Variants in ZNF280D observed in about 807,000 individuals in gnomAD.
ZNF280D encodes the protein suppressor of hairy wing homolog 4.
ZNF280D carries 39 observed loss-of-function variants against 94.7 expected under a neutral mutation model. That is an observed-to-expected ratio of 0.41 (90% confidence interval 0.32 to 0.54). ZNF280D has a LOEUF of 0.54. Among genes scored for constraint, ZNF280D ranks in the 20% least tolerant of loss-of-function variants. The probability of loss-of-function intolerance (pLI) is 0.22; values close to 1 mark genes in which losing one functional copy is unlikely to be tolerated. For missense variants in ZNF280D, 1,090 were observed against 1,149.3 expected (o/e 0.95, Z 0.75); for synonymous variants, 398 against 377.6 (o/e 1.05, Z -0.63).
chr15:56,676,616 TCA>T, intron 13 of ZNF280D, 52 bp downstream of exon 13: 1 of 1,466,668 alleles, frequency 6.8e-7, no homozygotes, highest in Non-Finnish European at 9.2e-7. Flanking sequence ...CAAGTCATAA[TCA>T]GTTTTTTCAC....
chr15:56,696,887 T>C (rs1341033345), intron 6 of ZNF280D, among the ~76,000 whole-genome samples: 1 of 152,214 alleles, frequency 6.6e-6, no homozygotes, highest in Non-Finnish European at 1.5e-5. Flanking sequence ...CTGAGGTGCT[T>C]TGATTTAAAA....
In ZNF280D at chr15:56,666,920, T is replaced by C. The variant is rs761676809; in HGVS notation, c.1612A>G (p.Ser538Gly). The C allele has an allele frequency of 8.1e-6, 13 of 1,613,326 alleles. No individual in the cohort carries two copies. The highest frequency in any genetic ancestry group is 1.1e-5 in the South Asian group (1 of 91,060). The change falls in exon 15 of 22, where the codon AGT becomes GGT. Residue 538 changes from serine (S) to glycine (G), a missense_variant. By Grantham distance (56) the Ser-to-Gly change is moderately conservative. Around this residue, in one of 3 missense-constraint regions of ZNF280D, gnomAD observed 577 missense variants for 568.8 expected, o/e 1.01. Coordinates refer to ENST00000267807, the MANE Select transcript of ZNF280D (RefSeq NM_017661.4). ...GASPTPSISA[S>G]ASTLQLSPPR... is the part of the protein sequence containing the mutation. ...GGTGAGAGCTGAAGGGTAGAAGCAC[T>C]TGCACTAATGGAAGGTGTAGGTGAA...
At chr15:56,707,894 C>T (rs978552396) in intron 1 of ZNF280D, among the ~76,000 whole-genome samples, 8 of 151,316 alleles carry the variant, frequency 5.3e-5, no homozygotes, top group African/African-American at 1.5e-4. Context: ...AGTTTACAAT[C>T]TAGTATGTCA....
intron 1 of ZNF280D, among the ~76,000 whole-genome samples, chr15:56,712,816 C>T: frequency 6.7e-6 from 1 of 148,328 alleles, no homozygotes; most frequent in Non-Finnish European, 1.5e-5. Context: ...TCTCAGCTCA[C>T]TGCAACCTCC....
At chr15:56,696,657 C>T (rs1027913646) in intron 6 of ZNF280D, among the ~76,000 whole-genome samples, 5 of 152,260 alleles carry the variant, frequency 3.3e-5, no homozygotes, top group African/African-American at 1.2e-4. Flanking sequence ...AAATAAAAAA[C>T]TACTATAGTT....
intron 7 of ZNF280D, among the ~76,000 whole-genome samples, chr15:56,692,527 T>C (rs1423587842): frequency 6.6e-6 from 1 of 152,094 alleles, no homozygotes; most frequent in East Asian, 1.9e-4. Context: ...TGTTACAGTA[T>C]ACAATCAAAG....
At chr15:56,643,393 T>C (rs556669124) in intron 19 of ZNF280D, among the ~76,000 whole-genome samples, 7 of 151,762 alleles carry the variant, frequency 4.6e-5, no homozygotes, top group Admixed American at 2.0e-4. Flanking sequence ...GTATTTACGA[T>C]TACAGGACTT....
At chr15:56,703,938 A>T (rs561522582) in intron 4 of ZNF280D, among the ~76,000 whole-genome samples, 183 bp downstream of exon 4, 2 of 152,166 alleles carry the variant, frequency 1.3e-5, no homozygotes, top group South Asian at 4.1e-4. Context: ...TCACCAGCTA[A>T]TCTCAGTCCA....
chr15:56,687,830 A>C (rs1295450824), intron 9 of ZNF280D, among the ~76,000 whole-genome samples: 1 of 152,220 alleles, frequency 6.6e-6, no homozygotes, highest in Admixed American at 6.5e-5. Context: ...GGACAGACCA[A>C]ATATGGCTCT....
In ZNF280D at chr15:56,631,541, G is replaced by C. The variant is rs945907645; in HGVS notation, c.2897C>G (p.Thr966Arg). ...DIPGGNNPST[T>R]EATVDLEDEK... is the part of the protein sequence containing the mutation. ...GTCTTCCAGGTCTACTGTTGCCTCT[G>C]TTGTGCTAGGGTTATTTCCTCCAGG... Residue 966 changes from threonine to arginine, a missense_variant, in exon 22 of 22, where the codon ACA (threonine) becomes AGA (arginine). Coordinates refer to ENST00000267807, the MANE Select transcript of ZNF280D (RefSeq NM_017661.4). 1 of 1,613,980 alleles carries C rather than the reference G, an allele frequency of 6.2e-7. No homozygotes were observed. Among genetic ancestry groups the C allele is most frequent in the Non-Finnish European group, 8.5e-7 (1 of 1,179,904 alleles).
chr15:56,676,258 C>A (rs1464045893), intron 13 of ZNF280D, among the ~76,000 whole-genome samples: 1 of 151,980 alleles, frequency 6.6e-6, no homozygotes, highest in Non-Finnish European at 1.5e-5. Context: ...GTTTGAAGAG[C>A]AAAACGAAAA....
chr15:56,723,589 C>T (rs777982210), intron 1 of ZNF280D, among the ~76,000 whole-genome samples: 3 of 152,092 alleles, frequency 2.0e-5, no homozygotes, highest in Non-Finnish European at 4.4e-5. Flanking sequence ...TTCTACTAAA[C>T]TGCCATCCTT....
chr15:56,689,652 C>G (rs1249626559), intron 7 of ZNF280D, among the ~76,000 whole-genome samples, 182 bp from the exon 8 acceptor site: 2 of 151,740 alleles, frequency 1.3e-5, no homozygotes, highest in Non-Finnish European at 2.9e-5. Context: ...ATATATTTAT[C>G]ATGGACTACA....
intron 19 of ZNF280D, among the ~76,000 whole-genome samples, chr15:56,649,818 A>G (rs1277163449): frequency 6.6e-6 from 1 of 152,086 alleles, no homozygotes; most frequent in Non-Finnish European, 1.5e-5. Context: ...TCTTAACAGA[A>G]ATAATATTTT....
chr15:56,654,769 C>T (rs1296873866), intron 17 of ZNF280D: 5 of 513,830 alleles, frequency 9.7e-6, no homozygotes, highest in Admixed American at 6.8e-5. Flanking sequence ...GTCAGAAGAC[C>T]TAGAGTCAGT....
chr15:56,693,393 T>C (rs1453496999), intron 6 of ZNF280D, among the ~76,000 whole-genome samples, 178 bp from the exon 7 acceptor site: 3 of 151,842 alleles, frequency 2.0e-5, no homozygotes, highest in Non-Finnish European at 4.4e-5. Context: ...CAATTATTAA[T>C]AAGTTAAAAA....
At chr15:56,709,767 C>A (rs552595414) in intron 1 of ZNF280D, among the ~76,000 whole-genome samples, 6 of 152,152 alleles carry the variant, frequency 3.9e-5, no homozygotes, top group African/African-American at 1.2e-4. Context: ...GACAAAAAAA[C>A]AAACACTACA....
intron 1 of ZNF280D, among the ~76,000 whole-genome samples, chr15:56,708,686 C>G (rs1425626042): frequency 6.6e-6 from 1 of 151,998 alleles, no homozygotes; most frequent in Non-Finnish European, 1.5e-5. Context: ...CAGAACAGAG[C>G]CCTCAGAAAT....
At chr15:56,726,435 T>G (rs1227903267) in intron 1 of ZNF280D, among the ~76,000 whole-genome samples, 3 of 152,148 alleles carry the variant, frequency 2.0e-5, no homozygotes, top group Admixed American at 2.0e-4. Flanking sequence ...AAGGGAAAAT[T>G]TACTTACTAC....
Sources: allele counts gnomAD v4.1 joint callset (sites outside exome capture counted in the v4.1 genomes callset), GRCh38; gene constraint gnomAD v4.1.1; regional missense constraint gnomAD v4.1.1; transcripts MANE v1.5; gene names NCBI Gene and HGNC (gene_info 2026-07-23, HGNC 2026-07-21).